KANSL1L: variants seen among roughly 807,000 people sequenced by gnomAD.
The protein encoded by KANSL1L is KAT8 regulatory NSL complex subunit 1-like protein.
A neutral mutation model predicts 108.6 loss-of-function variants in KANSL1L; 25 were observed. The observed-to-expected ratio is 0.23, with a 90% CI of 0.17 to 0.32. The LOEUF (loss-of-function observed/expected upper bound fraction) is 0.32, where lower values mean the gene tolerates loss of function less well. KANSL1L is among the 10% of genes least tolerant of loss of function. KANSL1L has a pLI of 1.00. For synonymous variants in KANSL1L, 405 were observed against 395.1 expected (o/e 1.03, Z -0.30); for missense variants, 1,137 against 1,125.7 (o/e 1.01, Z -0.14).
chr2:210,067,575 T>C (rs1366797710), intron 6 of KANSL1L, among the ~76,000 whole-genome samples: 1 of 151,878 alleles, frequency 6.6e-6, no homozygotes, highest in Non-Finnish European at 1.5e-5. Flanking sequence ...TGGGGGCATG[T>C]GCCAGTCATC....
intron 6 of KANSL1L, among the ~76,000 whole-genome samples, chr2:210,065,579 A>ATTTTTTTTTTTTTTTTTTTTTTTTT (rs57999970): frequency 4.6e-5 from 3 of 64,908 alleles, no homozygotes. Flanking sequence ...CCTGGACATG[A>ATTTTTTTTTTTTTTTTTTTTTTTTT]TTTTTTTTTT....
intron 3 of KANSL1L, among the ~76,000 whole-genome samples, chr2:210,108,666 A>G (rs1451216280): frequency 6.6e-6 from 1 of 151,712 alleles, no homozygotes; most frequent in African/African-American, 2.4e-5. Flanking sequence ...ATCAAAGAGG[A>G]GAGATTATGC....
chr2:210,104,031 A>G, intron 4 of KANSL1L, 73 bp downstream of exon 4: 1 of 1,135,654 alleles, frequency 8.8e-7, no homozygotes, highest in Non-Finnish European at 1.3e-6. Context: ...ACATATAATG[A>G]TGTTTATTTG....
At chr2:210,069,950 T>A (rs1376956608) in intron 6 of KANSL1L, among the ~76,000 whole-genome samples, 2 of 149,486 alleles carry the variant, frequency 1.3e-5, no homozygotes, top group Non-Finnish European at 3.0e-5. Context: ...TGTCTCAGCC[T>A]CCCGAGTAGC....
At position 210,141,160 on chromosome 2, in the gene KANSL1L, CTCTG is replaced by C. The variant is rs562583904; in HGVS notation, c.1089-11992_1089-11989del. 5.1e-3 allele frequency among the ~76,000 whole-genome samples: 432 copies of C among 84,184 alleles called. 1 individual carries two copies. Among genetic ancestry groups the C allele is most frequent in the African/African-American group, 0.016 (402 of 25,280 alleles). The allele number at this position is 84,184 out of a possible 152,430, so 55.2% of individuals were successfully genotyped here. On this transcript the variant is annotated intron_variant, in intron 2 of 14. Transcript: ENST00000281772. ...TTCCTCCCTTCCCTTCCCCACTCCTCTCTGTTTTCTTTCTTTTCTTTCTCTCCCT... is the reference window on the plus strand; with the variant it reads ...TTCCTCCCTTCCCTTCCCCACTCCTCTTTTCTTTCTTTTCTTTCTCTCCCT...
chr2:210,128,428 A>G (rs2095089031), intron 3 of KANSL1L, among the ~76,000 whole-genome samples: 1 of 152,242 alleles, frequency 6.6e-6, no homozygotes, highest in Admixed American at 6.5e-5. Flanking sequence ...TAGTCTTAAA[A>G]AGGAAAGAAA....
intron 3 of KANSL1L, among the ~76,000 whole-genome samples, chr2:210,124,620 A>C (rs1032580982): frequency 2.0e-5 from 3 of 152,118 alleles, no homozygotes; most frequent in African/African-American, 7.2e-5. Context: ...TTTAAACCAA[A>C]AGCTAGCAGA....
At chr2:210,115,991 G>A (rs766598189) in intron 3 of KANSL1L, among the ~76,000 whole-genome samples, 4 of 152,184 alleles carry the variant, frequency 2.6e-5, no homozygotes, top group Non-Finnish European at 5.9e-5. Context: ...TTGGTTACCA[G>A]CTTGGCCACA....
At chr2:210,045,900 A>G (rs1422584697) in intron 6 of KANSL1L, among the ~76,000 whole-genome samples, 1 of 152,162 alleles carries the variant, frequency 6.6e-6, no homozygotes, top group Non-Finnish European at 1.5e-5. Flanking sequence ...TAGCAGGCTT[A>G]CCATAAGATT....
chr2:210,161,561 T>G (rs1393206135), intron 1 of KANSL1L, among the ~76,000 whole-genome samples: 3 of 152,198 alleles, frequency 2.0e-5, no homozygotes. Flanking sequence ...TCACAAAAAG[T>G]TGCTAAATTG....
At chr2:210,141,862 T>A (rs1194439384) in intron 2 of KANSL1L, among the ~76,000 whole-genome samples, 1 of 152,220 alleles carries the variant, frequency 6.6e-6, no homozygotes, top group Admixed American at 6.5e-5. Context: ...TATTGATTTG[T>A]ATATGTGGAA....
At chr2:210,051,892 T>C (rs2094296076) in intron 6 of KANSL1L, among the ~76,000 whole-genome samples, 1 of 152,198 alleles carries the variant, frequency 6.6e-6, no homozygotes, top group South Asian at 2.1e-4. Context: ...TAGTCATGTA[T>C]AATTTCTCTT....
At chr2:210,118,744 T>C (rs2094982850) in intron 3 of KANSL1L, among the ~76,000 whole-genome samples, 1 of 150,770 alleles carries the variant, frequency 6.6e-6, no homozygotes. Context: ...TTACTAAGGC[T>C]GAGGTGGAAG....
chr2:210,076,268 G>A (rs986461345), intron 5 of KANSL1L, among the ~76,000 whole-genome samples: 2 of 151,778 alleles, frequency 1.3e-5, no homozygotes, highest in Admixed American at 6.6e-5. Context: ...TGCAACCATC[G>A]TCTCCTGGTT....
intron 4 of KANSL1L, among the ~76,000 whole-genome samples, chr2:210,098,803 A>G (rs1422818064): frequency 9.9e-6 from 1 of 101,360 alleles, no homozygotes; most frequent in Non-Finnish European, 2.1e-5. Flanking sequence ...TATTTTTCCT[A>G]ATTCACAAAT....
chr2:210,071,253 CTTTT>C (rs974746628), intron 6 of KANSL1L, among the ~76,000 whole-genome samples: 7 of 151,864 alleles, frequency 4.6e-5, no homozygotes, highest in African/African-American at 1.4e-4. Context: ...TAAATTCCCC[CTTTT>C]CATTTTTATT....
intron 4 of KANSL1L, among the ~76,000 whole-genome samples, chr2:210,102,823 G>A (rs1035420815): frequency 5.3e-5 from 8 of 152,186 alleles, no homozygotes; most frequent in Non-Finnish European, 1.2e-4. Context: ...AACAACAGGT[G>A]CTAGAGAGGA....
intron 2 of KANSL1L, among the ~76,000 whole-genome samples, chr2:210,143,079 T>C (rs1244230041): frequency 6.6e-6 from 1 of 152,144 alleles, no homozygotes; most frequent in Non-Finnish European, 1.5e-5. Context: ...GTCTATTTTT[T>C]CCTTCACATC....
At chr2:210,144,402 T>C (rs751112957) in intron 2 of KANSL1L, among the ~76,000 whole-genome samples, 5 of 152,220 alleles carry the variant, frequency 3.3e-5, no homozygotes, top group African/African-American at 4.8e-5. Flanking sequence ...AAAAATACTT[T>C]CTACCCCTTC....
Sources: gnomAD v4.1 joint callset for allele counts (sites outside exome capture counted in the v4.1 genomes callset) on GRCh38, gnomAD v4.1.1 for gene constraint, MANE v1.5 for transcripts, NCBI Gene and HGNC (gene_info 2026-07-23, HGNC 2026-07-21) for gene names.